KAZN: variants seen among roughly 807,000 people sequenced by gnomAD.
KAZN encodes kazrin, periplakin interacting protein.
A neutral mutation model predicts 87.4 loss-of-function variants in KAZN; 40 were observed. The observed-to-expected ratio is 0.46, with a 90% CI of 0.36 to 0.60. The LOEUF (loss-of-function observed/expected upper bound fraction) is 0.60, where lower values mean the gene tolerates loss of function less well. Among genes scored for constraint, KAZN ranks in the 20% least tolerant of loss-of-function variants. KAZN has a pLI of 0.00. For missense variants in KAZN, 898 were observed against 1,073.9 expected, an observed-to-expected ratio of 0.84 and a Z score of 2.29; for synonymous variants, 466 against 458.3, an observed-to-expected ratio of 1.02 and a Z score of -0.22.
Position 14,356,736 on chromosome 1 carries a change from G to A in KAZN, c.249+176144G>A, listed in dbSNP as rs540834259. Among the ~76,000 whole-genome samples the A allele has an allele frequency of 3.3e-3, 505 of 152,114 alleles. 2 individuals carry two copies. The highest frequency in any genetic ancestry group is 0.011 in the African/African-American group (476 of 41,512). ...GGTTTGTCAAAGATCAGATGGTTGT[G>A]GATGTGTGGCGTTATTTCTGAGTCC... On this transcript the variant is annotated intron_variant, in intron 2 of 16. Transcript: ENST00000636203.
At chr1:14,929,436 C>T (rs1217210385) in intron 1 of KAZN, among the ~76,000 whole-genome samples, 1 of 152,160 alleles carries the variant, frequency 6.6e-6, no homozygotes, top group African/African-American at 2.4e-5. Context: ...CCAGGACCCT[C>T]CAGCCATTCT....
In KAZN at chr1:14,751,604, A is replaced by G. The variant is rs373207299; in HGVS notation, c.226+152381A>G. On this transcript the variant is annotated intron_variant, in intron 1 of 14. Transcript: ENST00000376030. The stretch of plus-strand genomic sequence containing the variant: ...GAGACTTGCCCAAGGTCATACCTCC[A>G]GGGCTTGGACTTGAATCAGGCATCC... 6.8e-4 allele frequency among the ~76,000 whole-genome samples: 104 copies of G among 152,298 alleles called. 2 individuals are homozygous for G. The highest frequency in any genetic ancestry group is 2.5e-3 in the African/African-American group (104 of 41,568).
chr1:13,935,750 T>C (rs770299075), intron 1 of KAZN, among the ~76,000 whole-genome samples: 3 of 152,120 alleles, frequency 2.0e-5, no homozygotes, highest in Non-Finnish European at 4.4e-5. Flanking sequence ...ACTTCATAGT[T>C]TGGTTTGAAT....
At position 15,114,702 on chromosome 1, in the gene KAZN, G is replaced by T; in HGVS notation, c.*67G>T. The T allele has an allele frequency of 6.7e-7, 1 of 1,491,486 alleles. No homozygotes were observed. Among genetic ancestry groups the T allele is most frequent in the Non-Finnish European group, 9.1e-7 (1 of 1,103,902 alleles). 92.4% of individuals were successfully genotyped at this position (1,491,486 alleles called of 1,614,324 possible). Reference sequence around the variant, plus strand: ...AAGGAAGAGAAGCCAGATGGCCCCAGGTGTCGTTCTCACTGTACATAGCGG... The same window carrying T: ...AAGGAAGAGAAGCCAGATGGCCCCATGTGTCGTTCTCACTGTACATAGCGG... On this transcript the variant is annotated 3_prime_UTR_variant, in exon 15 of 15. Transcript: ENST00000376030.
intron 2 of KAZN, among the ~76,000 whole-genome samples, chr1:14,364,692 T>G (rs1659822078): frequency 6.6e-6 from 1 of 152,152 alleles, no homozygotes; most frequent in Admixed American, 6.5e-5. Context: ...CAACAGAAAT[T>G]CATTCTCTCT....
chr1:13,913,429 C>T lies in KAZN; in HGVS notation c.91+19673C>T, dbSNP rs530480491. Among the ~76,000 whole-genome samples, 4 of 152,176 alleles carry T rather than the reference C, an allele frequency of 2.6e-5. No individual in the cohort carries two copies. The South Asian group carries it at 6.2e-4, about 24-fold the overall frequency. On this transcript the variant is annotated intron_variant, in intron 1 of 16. Transcript: ENST00000636203. ...TCAGGCTTCTAGGCCTGTGGTGGAG[C>T]TAGAGATGGTCAGCGGCTGCTCCCC... is the stretch of plus-strand genomic sequence containing the variant.
At chr1:13,998,110 A>G (rs1211495028) in intron 1 of KAZN, among the ~76,000 whole-genome samples, 1 of 152,238 alleles carries the variant, frequency 6.6e-6, no homozygotes, top group Non-Finnish European at 1.5e-5. Flanking sequence ...AGAATTTCAT[A>G]TCCAGCCAAA....
intron 13 of KAZN, among the ~76,000 whole-genome samples, chr1:15,109,934 TG>T (rs1641450529): frequency 8.2e-6 from 1 of 121,498 alleles, no homozygotes; most frequent in African/African-American, 3.1e-5. Context: ...GGTGTGTGTG[TG>T]TGTGTGTTTG....
intron 2 of KAZN, among the ~76,000 whole-genome samples, chr1:14,986,056 C>G (rs1372666629): frequency 1.4e-5 from 2 of 145,516 alleles, no homozygotes; most frequent in African/African-American, 2.6e-5. Context: ...GCAAAGAGAA[C>G]CTTCTAGATT....
intron 2 of KAZN, among the ~76,000 whole-genome samples, chr1:14,211,289 C>G (rs527545494): frequency 6.6e-6 from 1 of 152,262 alleles, no homozygotes; most frequent in South Asian, 2.1e-4. Context: ...GGCACAATCT[C>G]GACTCACTGC....
At chr1:15,046,934 T>C (rs1417362150) in intron 4 of KAZN, among the ~76,000 whole-genome samples, 1 of 152,238 alleles carries the variant, frequency 6.6e-6, no homozygotes, top group Non-Finnish European at 1.5e-5. Context: ...CTTGGAGTCC[T>C]GGCCTTAGGC....
intron 1 of KAZN, among the ~76,000 whole-genome samples, chr1:14,658,073 C>T (rs1638916401): frequency 6.6e-6 from 1 of 152,162 alleles, no homozygotes; most frequent in South Asian, 2.1e-4. Flanking sequence ...AAAGCAATTG[C>T]ACCTGGAGTC....
At position 14,452,673 on chromosome 1, in the gene KAZN, C is replaced by T. The variant is rs773317762; in HGVS notation, c.250-146310C>T. Reference sequence around the variant, plus strand: ...GTGCCTAAACCTAGAAGACAGCCAGCGCAACAGCCTCACTCCTGGACTCTT... The same window carrying T: ...GTGCCTAAACCTAGAAGACAGCCAGTGCAACAGCCTCACTCCTGGACTCTT... On this transcript the variant is annotated intron_variant, in intron 2 of 16. Transcript: ENST00000636203. 7.3e-4 allele frequency among the ~76,000 whole-genome samples: 111 copies of T among 152,250 alleles called. 1 individual carries two copies. Among genetic ancestry groups the T allele is most frequent in the Middle Eastern group, 3.4e-3 (1 of 294 alleles).
At position 14,470,611 on chromosome 1, in the gene KAZN, C is replaced by T. The variant is rs529580735; in HGVS notation, c.250-128372C>T. Among the ~76,000 whole-genome samples the T allele has an allele frequency of 3.9e-5, 6 of 152,292 alleles. No homozygotes were observed. In the South Asian group the frequency reaches 1.2e-3, roughly 32 times the overall value. On this transcript the variant is annotated intron_variant, in intron 2 of 16. Coordinates refer to the KAZN transcript ENST00000636203. The stretch of plus-strand genomic sequence containing the variant: ...GCAGAGAGAGAGAGGATATATTTTT[C>T]TTCTTGGAAAGCCTGCGTAAGTGAG...
intron 4 of KAZN, among the ~76,000 whole-genome samples, chr1:15,055,595 C>A (rs563366814): frequency 6.6e-6 from 1 of 152,344 alleles, no homozygotes; most frequent in African/African-American, 2.4e-5. Context: ...ATCCATGTGA[C>A]AAAAGTCAGA....
chr1:13,920,681 G>A (rs1640033021), intron 1 of KAZN, among the ~76,000 whole-genome samples: 1 of 152,182 alleles, frequency 6.6e-6, no homozygotes, highest in Non-Finnish European at 1.5e-5. Flanking sequence ...GAATGTTTCT[G>A]TGTAGGGGAG....
intron 1 of KAZN, among the ~76,000 whole-genome samples, chr1:13,915,978 G>A (rs138823031): frequency 7.9e-4 from 120 of 152,364 alleles, no homozygotes; most frequent in African/African-American, 2.8e-3. Context: ...ACTGGTGTTA[G>A]GGAAGCATTG....
chr1:14,518,459 G>A (rs192877589), intron 2 of KAZN, among the ~76,000 whole-genome samples: 2 of 152,142 alleles, frequency 1.3e-5, no homozygotes, highest in African/African-American at 2.4e-5. Flanking sequence ...TTATAGACAT[G>A]AGCCACTGCA....
At chr1:14,057,582 C>T (rs573420776) in intron 1 of KAZN, among the ~76,000 whole-genome samples, 27 of 152,156 alleles carry the variant, frequency 1.8e-4, no homozygotes, top group Non-Finnish European at 3.5e-4. Context: ...ATCTGGCCAA[C>T]CATTAAAGAG....
Sources: allele counts gnomAD v4.1 joint callset (sites outside exome capture counted in the v4.1 genomes callset), GRCh38; gene constraint gnomAD v4.1.1; transcripts MANE v1.5; gene names NCBI Gene and HGNC (gene_info 2026-07-23, HGNC 2026-07-21).